The following MPV17L variants were observed in gnomAD, a reference collection of about 807,000 sequenced individuals.
MPV17L encodes mpv17-like protein.
MPV17L carries 24 observed loss-of-function variants against 25.8 expected under a neutral mutation model. The ratio of observed to expected loss-of-function variants is 0.93; its 90% CI spans 0.67 to 1.31. MPV17L has a LOEUF of 1.31. Among genes scored for constraint, MPV17L ranks in the 50% most tolerant of loss-of-function variants. The pLI is 0.00. For missense variants in MPV17L, 250 were observed against 265.6 expected (o/e 0.94, Z 0.41); for synonymous variants, 102 against 115.3 (o/e 0.88, Z 0.74).
At chr16:15,403,463 A>G (rs1439978042) in intron 2 of MPV17L, among the ~76,000 whole-genome samples, 1 of 151,488 alleles carries the variant, frequency 6.6e-6, no homozygotes, top group Non-Finnish European at 1.5e-5. Context: ...ACTAGAGCCC[A>G]GGAGTTTGAG....
rs2050725911 is a variant in MPV17L, at chr16:15,410,668, A to T, written c.*2556A>T. ...CCCTGAACTGTTAATTTATCCTGAG[A>T]ATGTATATTTAAGCTTAATTTAAGA... On this transcript the variant is annotated 3_prime_UTR_variant, in exon 4 of 4. Coordinates refer to ENST00000396385, the MANE Select transcript of MPV17L (RefSeq NM_001128423.2). 2 of 152,204 alleles carry T rather than the reference A, an allele frequency of 1.3e-5. No homozygotes were observed. Among genetic ancestry groups the T allele is most frequent in the Admixed American group, 1.3e-4 (2 of 15,264 alleles). 9.4% of individuals were successfully genotyped at this position (152,204 alleles called of 1,614,324 possible).
chr16:15,410,064 T>G lies in MPV17L; in HGVS notation c.*1952T>G, dbSNP rs1183696987. ...TAAGATAAATATTTATACTTTAAGG[T>G]AAACATGAGAAACTTGATCTAATAT... On this transcript the variant is annotated 3_prime_UTR_variant, in exon 4 of 4. Coordinates refer to ENST00000396385, the MANE Select transcript of MPV17L (RefSeq NM_001128423.2). The G allele has an allele frequency of 1.3e-5, 2 of 152,214 alleles. No individual in the cohort carries two copies. Among genetic ancestry groups the G allele is most frequent in the African/African-American group, 4.8e-5 (2 of 41,452 alleles). The allele number at this position is 152,214 out of a possible 1,614,324, so 9.4% of individuals were successfully genotyped here.
intron 2 of MPV17L, 110 bp from the exon 3 acceptor site, chr16:15,407,714 T>A: frequency 9.5e-7 from 1 of 1,057,390 alleles, no homozygotes; most frequent in Non-Finnish European, 1.4e-6. Context: ...TGCACTCCAG[T>A]CTGGGCAACA....
At chr16:15,403,835 C>G (rs2050659528) in intron 2 of MPV17L, among the ~76,000 whole-genome samples, 1 of 151,868 alleles carries the variant, frequency 6.6e-6, no homozygotes, top group Non-Finnish European at 1.5e-5. Flanking sequence ...GAGGGCAAAC[C>G]AGTAGTCTGA....
At position 15,407,749 on chromosome 16, in the gene MPV17L, A is replaced by G; in HGVS notation, c.382-75A>G. On this transcript the variant is annotated intron_variant, in intron 2 of 3. Transcript: ENST00000396385. The stretch of plus-strand genomic sequence containing the variant: ...AGAGTGAGACCCTGTCTCAAAAAAT[A>G]AAAAACAAAATAAATAAATAAAAAA... 8 of 1,434,920 alleles carry G rather than the reference A, an allele frequency of 5.6e-6. No homozygotes were observed. The East Asian group carries it at 1.7e-4, about 31-fold the overall frequency. The allele number at this position is 1,434,920 out of a possible 1,614,324, so 88.9% of individuals were successfully genotyped here. A position where few individuals can be genotyped will look rare whatever the true frequency, so the allele number is the denominator to read the frequency against.
At chr16:15,401,072 ATATATATATATATATTTTTT>A (rs2050631974) in intron 2 of MPV17L, among the ~76,000 whole-genome samples, 1 of 26,880 alleles carries the variant, frequency 3.7e-5, no homozygotes, top group African/African-American at 8.7e-5. Flanking sequence ...ATATATATAT[ATATATATATATATATTTTTT>A]TTTTTTTTTT....
intron 2 of MPV17L, among the ~76,000 whole-genome samples, chr16:15,401,721 G>A (rs751360061): frequency 5.3e-5 from 8 of 152,112 alleles, no homozygotes; most frequent in South Asian, 2.1e-4. Context: ...TCAGTAGGCC[G>A]AGGCAGGAGA....
At chr16:15,402,200 C>T (rs569105263) in intron 2 of MPV17L, among the ~76,000 whole-genome samples, 9 of 152,154 alleles carry the variant, frequency 5.9e-5, no homozygotes, top group Non-Finnish European at 1.2e-4. Flanking sequence ...TATATACAGT[C>T]CAGTCCAATA....
intron 1 of MPV17L, among the ~76,000 whole-genome samples, chr16:15,396,643 A>C (rs2050587825): frequency 6.6e-6 from 1 of 152,094 alleles, no homozygotes; most frequent in African/African-American, 2.4e-5. Context: ...GTCGTGGGAC[A>C]GGGAAGGAAC....
rs1367614767 is a variant in MPV17L at position 15,411,785 on chromosome 16, C to G, written c.*3673C>G. 6.6e-6 allele frequency: 1 copy of G among 152,066 alleles called. No homozygotes were observed. The highest frequency in any genetic ancestry group is 2.4e-5 in the African/African-American group (1 of 41,398). The allele number at this position is 152,066 out of a possible 1,614,324, so 9.4% of individuals were successfully genotyped here. On this transcript the variant is annotated 3_prime_UTR_variant, in exon 4 of 4. Transcript: ENST00000396385. ...CATGGCCAACACAGTGAAACCCCGT[C>G]TCTATTAAAAATACAAAATTAACCG... is the stretch of plus-strand genomic sequence containing the variant.
At chr16:15,396,563 G>T (rs1567428978) in intron 1 of MPV17L, among the ~76,000 whole-genome samples, 1 of 152,104 alleles carries the variant, frequency 6.6e-6, no homozygotes, top group Non-Finnish European at 1.5e-5. Flanking sequence ...TTTGCCCCCT[G>T]AAAAAGGCCC....
At chr16:15,401,595 G>A (rs532382968) in intron 2 of MPV17L, among the ~76,000 whole-genome samples, 25 of 152,224 alleles carry the variant, frequency 1.6e-4, no homozygotes, top group African/African-American at 2.6e-4. Context: ...TGAGGCAGGC[G>A]GATCACTTGA....
rs1474374046 is a variant in MPV17L, at chr16:15,411,283, C to G, written c.*3171C>G. On this transcript the variant is annotated 3_prime_UTR_variant, in exon 4 of 4. Transcript: ENST00000396385. ...TACCCAAGTTAATTATAAGTACTACCTGGTGCAAAACTTTACAGAAGCTGT... is the reference window on the plus strand; with the variant it reads ...TACCCAAGTTAATTATAAGTACTACGTGGTGCAAAACTTTACAGAAGCTGT... 6.6e-6 allele frequency: 1 copy of G among 152,212 alleles called. No homozygotes were observed. Among genetic ancestry groups the G allele is most frequent in the Admixed American group, 6.6e-5 (1 of 15,256 alleles). 9.4% of individuals were successfully genotyped at this position (152,212 alleles called of 1,614,324 possible).
intron 1 of MPV17L, among the ~76,000 whole-genome samples, chr16:15,397,836 C>T (rs142214477): frequency 0.01 from 1,593 of 152,086 alleles, 29 homozygotes; most frequent in African/African-American, 0.037. Context: ...ACATGGCTGA[C>T]GGGGTCAGTG....
chr16:15,408,133 A>G lies in MPV17L; in HGVS notation c.*21A>G, dbSNP rs1263228850. 1 of 1,545,512 alleles carries G rather than the reference A, an allele frequency of 6.5e-7. No individual in the cohort carries two copies. Among genetic ancestry groups the G allele is most frequent in the Non-Finnish European group, 8.8e-7 (1 of 1,140,408 alleles). On this transcript the variant is annotated 3_prime_UTR_variant, in exon 4 of 4. Coordinates refer to ENST00000396385, the MANE Select transcript of MPV17L (RefSeq NM_001128423.2). ...AATGAGAAGTCAAGGACTCTCTTAA[A>G]GGGACCACATTTTTTACCTAAAATG...
At chr16:15,406,892 C>T (rs2050685371) in intron 2 of MPV17L, among the ~76,000 whole-genome samples, 1 of 151,988 alleles carries the variant, frequency 6.6e-6, no homozygotes, top group Non-Finnish European at 1.5e-5. Flanking sequence ...TGCCACTGCA[C>T]TCCAGACTAA....
rs768181309 is a variant in MPV17L, at chr16:15,395,988, G to C, written c.91G>C (p.Gly31Arg). The change falls in exon 1 of 4, where the codon GGG becomes CGG. Residue 31 changes from glycine to arginine, a missense_variant. Transcript: ENST00000396385. ...VLLYGSLVSA[G>R]DALQQRLQGR... is the part of the protein sequence containing the mutation. ...GCTTTACGGCTCGCTCGTCTCGGCC[G>C]GGGACGCGCTGCAACAGCGGCTGCA... 1.3e-4 allele frequency: 196 copies of C among 1,513,278 alleles called. 1 individual carries two copies. The highest frequency in any genetic ancestry group is 1.6e-4 in the Non-Finnish European group (179 of 1,138,056). 93.7% of individuals were successfully genotyped at this position (1,513,278 alleles called of 1,614,324 possible).
At chr16:15,402,327 A>T (rs1309256066) in intron 2 of MPV17L, among the ~76,000 whole-genome samples, 2 of 152,174 alleles carry the variant, frequency 1.3e-5, no homozygotes, top group Non-Finnish European at 2.9e-5. Flanking sequence ...CATCACAAGG[A>T]GGTAAATCTT....
chr16:15,397,589 G>A (rs752707986), intron 1 of MPV17L, among the ~76,000 whole-genome samples: 1 of 152,078 alleles, frequency 6.6e-6, no homozygotes, highest in Non-Finnish European at 1.5e-5. Flanking sequence ...AAATCTCTAC[G>A]GGTCTCAAGC....
Sources: gnomAD v4.1 joint callset for allele counts (sites outside exome capture counted in the v4.1 genomes callset) on GRCh38, gnomAD v4.1.1 for gene constraint, MANE v1.5 for transcripts, NCBI Gene and HGNC (gene_info 2026-07-23, HGNC 2026-07-21) for gene names.